Variants in CFAP20DC observed in about 807,000 individuals in gnomAD.
The protein encoded by CFAP20DC is CFAP20 domain containing, also known as protein CFAP20DC.
Under a neutral mutation model 101.7 loss-of-function variants are expected in CFAP20DC, and 84 were observed. That is an observed-to-expected ratio of 0.83 (90% CI 0.69 to 0.99). The LOEUF is 0.99. CFAP20DC is among the 50% of genes least tolerant of loss of function. CFAP20DC has a pLI of 0.00. For synonymous variants in CFAP20DC, 359 were observed against 351.2 expected, an observed-to-expected ratio of 1.02 and a Z score of -0.25; for missense variants, 1,007 against 970.3, an observed-to-expected ratio of 1.04 and a Z score of -0.50.
chr3:59,037,521 T>A (rs1266131381), intron 4 of CFAP20DC, among the ~76,000 whole-genome samples: 2 of 150,670 alleles, frequency 1.3e-5, no homozygotes, highest in African/African-American at 4.9e-5. Context: ...GCAACAAATA[T>A]GCGAAAAAAA....
rs534649687 is a variant in CFAP20DC, at chr3:58,932,995, A to G, written c.393+4653T>C. On this transcript the variant is annotated intron_variant, in intron 5 of 16. Transcript: ENST00000482387. ...CAGACTGGCAAATTGGATAGAGACA[A>G]GACCCATCAGTGTGCTATATTCAGG... is the stretch of plus-strand genomic sequence containing the variant. Among the ~76,000 whole-genome samples, 78 of 152,310 alleles carry G rather than the reference A, an allele frequency of 5.1e-4. 1 individual carries two copies. Among genetic ancestry groups the G allele is most frequent in the African/African-American group, 1.8e-3 (76 of 41,560 alleles).
At chr3:58,907,101 G>GTGTGTGTGTGTGTGTA (rs2083672105) in intron 6 of CFAP20DC, among the ~76,000 whole-genome samples, 1 of 151,872 alleles carries the variant, frequency 6.6e-6, no homozygotes, top group Admixed American at 6.6e-5. Context: ...CCTCGTGTGT[G>GTGTGTGTGTGTGTGTA]TGTGTGTGTG....
intron 13 of CFAP20DC, among the ~76,000 whole-genome samples, chr3:58,837,103 T>C (rs1010534318): frequency 2.0e-5 from 3 of 152,182 alleles, no homozygotes; most frequent in African/African-American, 7.2e-5. Flanking sequence ...TACATTACTG[T>C]TTCAGCAATG....
chr3:59,029,249 G>C (rs551752309), intron 4 of CFAP20DC, among the ~76,000 whole-genome samples: 1 of 152,108 alleles, frequency 6.6e-6, no homozygotes, highest in East Asian at 1.9e-4. Context: ...GAATAGAACA[G>C]GCTCCATGTC....
rs977961738 is a variant in CFAP20DC at position 59,049,581 on chromosome 3, T to C, written c.21+30A>G. 7 of 1,533,390 alleles carry C rather than the reference T, an allele frequency of 4.6e-6. No homozygotes were observed. In the Admixed American group the frequency reaches 5.9e-5, roughly 13 times the overall value. 95.0% of individuals were successfully genotyped at this position (1,533,390 alleles called of 1,614,324 possible). A position where few individuals can be genotyped will look rare whatever the true frequency, so the allele number is the denominator to read the frequency against. ...TACCTCACCCAAGAGGAGAAAGGTA[T>C]AGACAGGTTGGAGAACCGTTTCGGG... On this transcript the variant is annotated intron_variant, in intron 1 of 16. Transcript: ENST00000482387.
chr3:58,889,918 G>A (rs2082007879), intron 6 of CFAP20DC, among the ~76,000 whole-genome samples: 1 of 126,776 alleles, frequency 7.9e-6, no homozygotes, highest in East Asian at 2.3e-4. Context: ...TTTTCTTAGT[G>A]CAGAACAAAA....
At chr3:58,772,959 G>A (rs1170785110) in intron 15 of CFAP20DC, among the ~76,000 whole-genome samples, 1 of 151,888 alleles carries the variant, frequency 6.6e-6, no homozygotes, top group Non-Finnish European at 1.5e-5. Flanking sequence ...GGGCATGGGA[G>A]GAGTAAGACT....
chr3:58,792,305 A>T (rs1214147813), intron 15 of CFAP20DC, among the ~76,000 whole-genome samples: 1 of 152,142 alleles, frequency 6.6e-6, no homozygotes, highest in Non-Finnish European at 1.5e-5. Context: ...GCTAGATACA[A>T]ATGTTTAGAT....
intron 4 of CFAP20DC, among the ~76,000 whole-genome samples, chr3:58,988,688 A>G (rs2092830847): frequency 6.6e-6 from 1 of 152,192 alleles, no homozygotes; most frequent in South Asian, 2.1e-4. Context: ...GATTAAGACA[A>G]TATTTCTGAA....
downstream of CFAP20DC, among the ~76,000 whole-genome samples, chr3:58,740,809 T>A (rs186956484): frequency 1.3e-5 from 2 of 152,332 alleles, no homozygotes; most frequent in African/African-American, 4.8e-5. The surrounding 1 kb of genome is among the most constrained non-coding windows in gnomAD (Gnocchi z 4.6). Context: ...CTGAGACTAT[T>A]TAAAGCAGAA....
chr3:58,842,505 G>A (rs1246021091), intron 13 of CFAP20DC, among the ~76,000 whole-genome samples: 2 of 152,272 alleles, frequency 1.3e-5, no homozygotes, highest in East Asian at 1.9e-4. Context: ...ACCTGGCTCG[G>A]AGGGTCCTAC....
chr3:58,744,179 C>T (rs2107152068), intron 16 of CFAP20DC, among the ~76,000 whole-genome samples: 2 of 152,270 alleles, frequency 1.3e-5, no homozygotes, highest in South Asian at 4.1e-4. Flanking sequence ...TCATTTGGCC[C>T]TCATGACCCT....
chr3:58,815,566 C>G (rs998079533), intron 14 of CFAP20DC, among the ~76,000 whole-genome samples: 3 of 151,096 alleles, frequency 2.0e-5, no homozygotes, highest in Non-Finnish European at 4.4e-5. Context: ...TCAGAGTGAA[C>G]AGGCAACCTA....
At position 58,893,769 on chromosome 3, in the gene CFAP20DC, C is replaced by CT. The variant is rs928083578; in HGVS notation, c.551-9061dup. Among the ~76,000 whole-genome samples, 1,289 of 138,952 alleles carry CT rather than the reference C, an allele frequency of 9.3e-3. 13 individuals carry two copies. Among genetic ancestry groups the CT allele is most frequent in the African/African-American group, 0.027 (1,020 of 37,862 alleles). 91.2% of individuals were successfully genotyped at this position (138,952 alleles called of 152,430 possible). A position where few individuals can be genotyped will look rare whatever the true frequency, so the allele number is the denominator to read the frequency against. ...AGGTGTGAATCCATCTGTTCCTGGG[C>CT]TTTTTTTTTTTGGCTGGTAGGCTGT... On this transcript the variant is annotated intron_variant, in intron 6 of 16. Transcript: ENST00000482387.
intron 7 of CFAP20DC, among the ~76,000 whole-genome samples, chr3:58,870,953 A>C (rs1222724678): frequency 2.0e-5 from 3 of 150,628 alleles, no homozygotes; most frequent in Non-Finnish European, 3.0e-5. Context: ...TAAAAAATAC[A>C]TCTTATTTTC....
intron 7 of CFAP20DC, among the ~76,000 whole-genome samples, chr3:58,871,906 C>T (rs1249142942): frequency 6.6e-6 from 1 of 152,042 alleles, no homozygotes; most frequent in African/African-American, 2.4e-5. Flanking sequence ...AGCAGAATCC[C>T]CCATGCTCTC....
chr3:58,717,701 G>C lies in CFAP20DC; in HGVS notation c.198-73C>G, dbSNP rs542155453. 1 of 399,060 alleles carries C rather than the reference G, an allele frequency of 2.5e-6. No individual in the cohort carries two copies. The highest frequency in any genetic ancestry group is 7.3e-5 in the East Asian group (1 of 13,690). 24.7% of individuals were successfully genotyped at this position (399,060 alleles called of 1,614,324 possible). On this transcript the variant is annotated intron_variant, in intron 3 of 3. Coordinates refer to the CFAP20DC transcript ENST00000486145. This position sits in a 1 kb window ranked among gnomAD's most constrained non-coding sequence, Gnocchi z 4.1. ...GGTACATGCCTTTTATTCTGGGTCTGTCCATTGTTATCAGGAAAACAATGC... is the reference window on the plus strand; with the variant it reads ...GGTACATGCCTTTTATTCTGGGTCTCTCCATTGTTATCAGGAAAACAATGC...
chr3:58,750,595 G>T (rs2068500777), intron 16 of CFAP20DC, among the ~76,000 whole-genome samples: 1 of 152,214 alleles, frequency 6.6e-6, no homozygotes, highest in Admixed American at 6.5e-5. Flanking sequence ...TGTAGAAAGG[G>T]CAATGATGTG....
chr3:58,860,733 C>A (rs1328764698), intron 12 of CFAP20DC, among the ~76,000 whole-genome samples: 2 of 152,140 alleles, frequency 1.3e-5, no homozygotes, highest in Non-Finnish European at 2.9e-5. Flanking sequence ...GGAATAATAA[C>A]ATAAAATACA....
Sources: gnomAD v4.1 joint callset for allele counts (sites outside exome capture counted in the v4.1 genomes callset) on GRCh38, gnomAD v4.1.1 for gene constraint, Gnocchi (gnomAD v3.1) non-coding constraint, MANE v1.5 for transcripts, NCBI Gene and HGNC (gene_info 2026-07-23, HGNC 2026-07-21) for gene names.